PRICKLE2: variants seen among roughly 807,000 people sequenced by gnomAD.
PRICKLE2 encodes the protein prickle planar cell polarity protein 2.
PRICKLE2 carries 21 observed loss-of-function variants against 81.4 expected under a neutral mutation model. The observed-to-expected ratio is 0.26, with a 90% CI of 0.18 to 0.37. The LOEUF (loss-of-function observed/expected upper bound fraction) is 0.37. Among genes scored for constraint, PRICKLE2 ranks in the 10% least tolerant of loss-of-function variants. The pLI, the probability that PRICKLE2 is intolerant of heterozygous loss-of-function variation, is 1.00. For synonymous variants in PRICKLE2, 456 were observed against 421.5 expected (o/e 1.08, Z -1.00); for missense variants, 940 against 1,109.0 (o/e 0.85, Z 2.16).
intron 2 of PRICKLE2, among the ~76,000 whole-genome samples, chr3:64,169,724 A>G (rs1449926495): frequency 6.6e-6 from 1 of 152,184 alleles, no homozygotes; most frequent in East Asian, 1.9e-4. Context: ...AATCCAACTT[A>G]ACCCAGGGAC....
chr3:64,119,663 AC>A (rs2076995370), intron 7 of PRICKLE2, among the ~76,000 whole-genome samples: 1 of 152,144 alleles, frequency 6.6e-6, no homozygotes, highest in African/African-American at 2.4e-5. Context: ...TTCTCAAAGA[AC>A]TTAAACCAAA....
Position 64,208,627 on chromosome 3 carries a change from G to C in PRICKLE2, c.-40-9660C>G, listed in dbSNP as rs758628209. On this transcript the variant is annotated intron_variant, in intron 1 of 7. Coordinates refer to ENST00000638394, the MANE Select transcript of PRICKLE2 (RefSeq NM_198859.4). ...GAGGATGGCAGGTGAGGGGTGAACA[G>C]AGCAGCTATGTTCTACTGTTAACAC... Among the ~76,000 whole-genome samples the C allele has an allele frequency of 7.9e-5, 12 of 152,146 alleles. No individual in the cohort carries two copies. In the South Asian group the frequency reaches 8.3e-4, roughly 11 times the overall value.
At chr3:64,172,951 C>T (rs1161204488) in intron 2 of PRICKLE2, among the ~76,000 whole-genome samples, 1 of 152,118 alleles carries the variant, frequency 6.6e-6, no homozygotes, top group African/African-American at 2.4e-5. Flanking sequence ...CTTTTGGACT[C>T]CAGAACTGTG....
chr3:64,266,450 G>A (rs1038163764), intron 2 of PRICKLE2, among the ~76,000 whole-genome samples: 1 of 152,182 alleles, frequency 6.6e-6, no homozygotes, highest in Non-Finnish European at 1.5e-5. Flanking sequence ...GAGCTGGGTA[G>A]TCAGTGACTA....
chr3:64,126,526 G>A (rs1434967797), intron 7 of PRICKLE2, among the ~76,000 whole-genome samples: 1 of 152,196 alleles, frequency 6.6e-6, no homozygotes, highest in African/African-American at 2.4e-5. Flanking sequence ...GATGGTTAAA[G>A]GCTCTGGAGT....
At position 64,099,563 on chromosome 3, in the gene PRICKLE2, A is replaced by T. The variant is rs773730098; in HGVS notation, c.2023T>A (p.Ser675Thr). The T allele has an allele frequency of 6.2e-7, 1 of 1,612,318 alleles. No individual in the cohort carries two copies. The highest frequency in any genetic ancestry group is 1.7e-5 in the Admixed American group (1 of 60,006). The change falls in exon 8 of 8, where the codon TCA (serine) becomes ACA (threonine). Residue 675 changes from serine (S) to threonine (T), a missense_variant. By Grantham distance (58) the Ser-to-Thr change is moderately conservative. Transcript: ENST00000638394. The surrounding 1 kb of genome is among the most constrained non-coding windows in gnomAD (Gnocchi z 4.3). ...CGGAAACGGCGGTTGTCGTCGCGTG[A>T]AGTAGCTCTTCTCCGGGTGCGTTCA... ...MSERTRRRAT[S>T]RDDNRRFRPH...
intron 7 of PRICKLE2, chr3:64,105,663 A>G (rs934542309): frequency 6.6e-6 from 1 of 152,240 alleles, no homozygotes; most frequent in Non-Finnish European, 1.5e-5. Flanking sequence ...AGCTCCCTGC[A>G]CTGCAGAAAT....
At chr3:64,143,323 GT>G (rs911502063) in intron 7 of PRICKLE2, among the ~76,000 whole-genome samples, 3 of 152,112 alleles carry the variant, frequency 2.0e-5, no homozygotes, top group Non-Finnish European at 2.9e-5. Context: ...GATCTCAGGA[GT>G]TTTTTTCCCT....
At chr3:64,211,776 G>A (rs772291315) in intron 1 of PRICKLE2, among the ~76,000 whole-genome samples, 3 of 152,218 alleles carry the variant, frequency 2.0e-5, no homozygotes, top group Non-Finnish European at 4.4e-5. Context: ...GCTACAGAAG[G>A]TTCCTGGTTA....
rs972911846 is a variant in PRICKLE2, at chr3:64,166,913, C to G, written c.145-3784G>C. Among the ~76,000 whole-genome samples the G allele has an allele frequency of 2.6e-5, 4 of 152,100 alleles. No individual in the cohort carries two copies. In the South Asian group the frequency reaches 6.2e-4, roughly 24 times the overall value. ...TCCTGGTGTTTAGATGCTGGACTTT[C>G]CAAATTTTTCACTGAGCAAAGGGGA... On this transcript the variant is annotated intron_variant, in intron 2 of 7. Coordinates refer to ENST00000638394, the MANE Select transcript of PRICKLE2 (RefSeq NM_198859.4).
At chr3:64,117,238 A>T (rs1404994668) in intron 7 of PRICKLE2, among the ~76,000 whole-genome samples, 1 of 152,210 alleles carries the variant, frequency 6.6e-6, no homozygotes, top group Non-Finnish European at 1.5e-5. Flanking sequence ...ACCCATAGCC[A>T]CCACCATACT....
At chr3:64,228,323 T>G (rs962475373), upstream of PRICKLE2, among the ~76,000 whole-genome samples, 1 of 151,810 alleles carries the variant, frequency 6.6e-6, no homozygotes, top group Non-Finnish European at 1.5e-5. Flanking sequence ...GCATGCAGAG[T>G]CCTCAAAGGC....
intron 2 of PRICKLE2, among the ~76,000 whole-genome samples, chr3:64,191,179 C>A (rs1472201980): frequency 6.6e-6 from 1 of 152,172 alleles, no homozygotes; most frequent in Admixed American, 6.5e-5. Context: ...GAGAAGGACT[C>A]TAGGATTGCT....
intron 7 of PRICKLE2, among the ~76,000 whole-genome samples, chr3:64,123,689 T>C (rs2077063983): frequency 1.3e-5 from 2 of 152,222 alleles, no homozygotes; most frequent in African/African-American, 2.4e-5. Context: ...TCATCTATGG[T>C]CAGTAATCTT....
intron 2 of PRICKLE2, among the ~76,000 whole-genome samples, chr3:64,264,309 A>C (rs1324181392): frequency 6.6e-6 from 1 of 152,124 alleles, no homozygotes; most frequent in East Asian, 1.9e-4. Flanking sequence ...TTCAGTAATA[A>C]AGAGCAAACA....
chr3:64,246,847 A>T (rs1372436124), intron 2 of PRICKLE2, among the ~76,000 whole-genome samples: 1 of 152,168 alleles, frequency 6.6e-6, no homozygotes, highest in Non-Finnish European at 1.5e-5. Flanking sequence ...TATTGGTAGA[A>T]AGTACCCTCA....
intron 1 of PRICKLE2, among the ~76,000 whole-genome samples, chr3:64,207,706 G>A (rs2078713687): frequency 6.6e-6 from 1 of 152,090 alleles, no homozygotes; most frequent in Non-Finnish European, 1.5e-5. Flanking sequence ...GTATCACAGA[G>A]TTAAAAGTTA....
Position 64,094,781 on chromosome 3 carries a change from T to G in PRICKLE2, c.*4270A>C, listed in dbSNP as rs1170709345. ...AGGCAAAGGCCATTTCTACTTCTCT[T>G]GTGCTTAAAGAAATGTACCTCAAAA... On this transcript the variant is annotated 3_prime_UTR_variant, in exon 8 of 8. Coordinates refer to ENST00000638394, the MANE Select transcript of PRICKLE2 (RefSeq NM_198859.4). The G allele has an allele frequency of 6.6e-6, 1 of 152,658 alleles. No homozygotes were observed. Among genetic ancestry groups the G allele is most frequent in the Non-Finnish European group, 1.5e-5 (1 of 68,038 alleles). The allele number at this position is 152,658 out of a possible 1,614,324, so 9.5% of individuals were successfully genotyped here. A position where few individuals can be genotyped will look rare whatever the true frequency, so the allele number is the denominator to read the frequency against.
At position 64,224,970 on chromosome 3, in the gene PRICKLE2, T is replaced by C; in HGVS notation, c.-101A>G. On this transcript the variant is annotated 5_prime_UTR_variant, in exon 1 of 8. An upstream open reading frame in the 5' UTR loses its in-frame stop. Transcript: ENST00000638394. ...GCTTCTGCCAGACCCTTGGAGCTTG[T>C]CAATTGTCCCAGTTCACTTTCTCCC... 3 of 985,326 alleles carry C rather than the reference T, an allele frequency of 3.0e-6. No individual in the cohort carries two copies. The highest frequency in any genetic ancestry group is 3.6e-6 in the Non-Finnish European group (3 of 829,930). The allele number at this position is 985,326 out of a possible 1,614,324, so 61.0% of individuals were successfully genotyped here.
Sources: allele counts gnomAD v4.1 joint callset (sites outside exome capture counted in the v4.1 genomes callset), GRCh38; gene constraint gnomAD v4.1.1; non-coding constraint Gnocchi (gnomAD v3.1); transcripts MANE v1.5; gene names NCBI Gene and HGNC (gene_info 2026-07-23, HGNC 2026-07-21).